The following AHI1 variants were observed in gnomAD, a reference collection of about 807,000 sequenced individuals.
AHI1 encodes the protein Abelson helper integration site 1.
Under a neutral mutation model 149.3 loss-of-function variants are expected in AHI1, and 123 were observed. The observed-to-expected ratio is 0.82, with a 90% confidence interval of 0.71 to 0.96. The LOEUF (loss-of-function observed/expected upper bound fraction) is 0.96. Among genes scored for constraint, AHI1 ranks in the 40% least tolerant of loss-of-function variants. The pLI is 0.00. For missense variants in AHI1, 1,439 were observed against 1,422.7 expected (o/e 1.01, Z -0.18); for synonymous variants, 475 against 459.8 (o/e 1.03, Z -0.42).
chr6:135,342,761 A>G (rs1300275105), intron 24 of AHI1, among the ~76,000 whole-genome samples: 1 of 151,842 alleles, frequency 6.6e-6, no homozygotes, highest in Non-Finnish European at 1.5e-5. Context: ...ATAATATATA[A>G]TAACCTGATA....
At chr6:135,399,495 T>G (rs940907378) in intron 22 of AHI1, among the ~76,000 whole-genome samples, 3 of 152,138 alleles carry the variant, frequency 2.0e-5, no homozygotes, top group African/African-American at 4.8e-5. Context: ...TAGGCCTCTA[T>G]CCTTCTATCT....
chr6:135,390,498 T>C (rs1294725186), intron 23 of AHI1, among the ~76,000 whole-genome samples: 7 of 152,164 alleles, frequency 4.6e-5, no homozygotes. Flanking sequence ...CACTTAGCAA[T>C]GTGGCAGGAC....
intron 23 of AHI1, among the ~76,000 whole-genome samples, chr6:135,373,627 G>A (rs914233864): frequency 5.9e-5 from 9 of 152,104 alleles, no homozygotes; most frequent in African/African-American, 2.2e-4. Flanking sequence ...TACCTAATCT[G>A]AACAGCTGAA....
At chr6:135,372,138 G>C (rs943521699) in intron 23 of AHI1, among the ~76,000 whole-genome samples, 4 of 152,206 alleles carry the variant, frequency 2.6e-5, no homozygotes, top group Admixed American at 6.5e-5. Context: ...CTTGAGAAGA[G>C]AGCCTTACTC....
intron 20 of AHI1, among the ~76,000 whole-genome samples, chr6:135,425,875 T>C (rs1783848043): frequency 2.0e-5 from 3 of 151,862 alleles, no homozygotes; most frequent in Admixed American, 6.6e-5. Context: ...TAAGAAAAGA[T>C]AGAGTGCAAC....
chr6:135,340,370 C>CA (rs1247093376), intron 24 of AHI1, among the ~76,000 whole-genome samples: 1 of 138,724 alleles, frequency 7.2e-6, no homozygotes, highest in Non-Finnish European at 1.6e-5. Context: ...GACTCTGTCT[C>CA]AAAAAACAAA....
At chr6:135,476,383 G>A (rs1792642784) in intron 5 of AHI1, among the ~76,000 whole-genome samples, 1 of 149,748 alleles carries the variant, frequency 6.7e-6, no homozygotes, top group South Asian at 2.1e-4. Flanking sequence ...ATAAAGCTAT[G>A]TAGACTTGTT....
chr6:135,408,508 TC>T (rs1293705200), intron 21 of AHI1, among the ~76,000 whole-genome samples: 1 of 152,108 alleles, frequency 6.6e-6, no homozygotes, highest in East Asian at 1.9e-4. Context: ...TATATACTTT[TC>T]TATATTCCTA....
chr6:135,337,770 GAA>G (rs59397034), intron 24 of AHI1, among the ~76,000 whole-genome samples: 2 of 121,016 alleles, frequency 1.7e-5, no homozygotes, highest in Non-Finnish European at 1.7e-5. Context: ...GTCTCAAAAA[GAA>G]AAAAAAAAAA....
intron 23 of AHI1, among the ~76,000 whole-genome samples, chr6:135,381,769 A>G (rs934889895): frequency 6.6e-6 from 1 of 152,182 alleles, no homozygotes; most frequent in African/African-American, 2.4e-5. Flanking sequence ...TACCACCATC[A>G]TATTATAACT....
chr6:135,294,873 A>T (rs1024225528), intron 27 of AHI1, among the ~76,000 whole-genome samples: 3 of 152,206 alleles, frequency 2.0e-5, no homozygotes, highest in Non-Finnish European at 2.9e-5. Flanking sequence ...GGGTTGGCAG[A>T]GGTTTCTTAG....
intron 20 of AHI1, among the ~76,000 whole-genome samples, chr6:135,422,644 T>C (rs1469440326): frequency 1.3e-5 from 2 of 151,332 alleles, no homozygotes; most frequent in African/African-American, 2.4e-5. Context: ...TGTATGTATG[T>C]ATGTATGTAT....
intron 7 of AHI1, among the ~76,000 whole-genome samples, 175 bp from the exon 8 acceptor site, chr6:135,463,481 G>C (rs918776089): frequency 1.3e-5 from 2 of 151,740 alleles, no homozygotes; most frequent in South Asian, 4.2e-4. Context: ...GTGTCAAATA[G>C]GTATCATAGG....
intron 21 of AHI1, among the ~76,000 whole-genome samples, chr6:135,410,280 G>T (rs1221291873): frequency 6.6e-6 from 1 of 152,170 alleles, no homozygotes; most frequent in Non-Finnish European, 1.5e-5. Flanking sequence ...AGAGGCAGGA[G>T]AATTGCTTGA....
chr6:135,423,213 T>A (rs1783460762), intron 20 of AHI1, among the ~76,000 whole-genome samples: 1 of 152,186 alleles, frequency 6.6e-6, no homozygotes, highest in Non-Finnish European at 1.5e-5. Flanking sequence ...AAATGTTAGC[T>A]ACTACTACCA....
At chr6:135,392,179 C>T (rs777682513) in intron 23 of AHI1, among the ~76,000 whole-genome samples, 1 of 152,124 alleles carries the variant, frequency 6.6e-6, no homozygotes, top group Non-Finnish European at 1.5e-5. Context: ...CTAGAGGTTC[C>T]TGAAGGCAGA....
chr6:135,307,622 C>T (rs1231403072), intron 26 of AHI1, among the ~76,000 whole-genome samples: 2 of 151,790 alleles, frequency 1.3e-5, no homozygotes, highest in Non-Finnish European at 2.9e-5. Flanking sequence ...ATTACAGGAT[C>T]TTAAAATGAA....
At chr6:135,474,793 T>C (rs921767974) in intron 5 of AHI1, among the ~76,000 whole-genome samples, 4 of 152,216 alleles carry the variant, frequency 2.6e-5, no homozygotes, top group African/African-American at 9.6e-5. Context: ...TGGGGTATTA[T>C]CCTTTTCATA....
Position 135,285,465 on chromosome 6 carries a change from T to C in AHI1, c.*180A>G. On this transcript the variant is annotated 3_prime_UTR_variant, in exon 29 of 29. Transcript: ENST00000265602. ...ATAACAACTGAACTCAAAGGCCACG[T>C]TGATTTTTCCACCCACAACTTGATT... 2 of 679,240 alleles carry C rather than the reference T, an allele frequency of 2.9e-6. No individual in the cohort carries two copies. Among genetic ancestry groups the C allele is most frequent in the Non-Finnish European group, 5.1e-6 (2 of 390,162 alleles). 42.1% of individuals were successfully genotyped at this position (679,240 alleles called of 1,614,324 possible).
Sources: gnomAD v4.1 joint callset for allele counts (sites outside exome capture counted in the v4.1 genomes callset) on GRCh38, gnomAD v4.1.1 for gene constraint, MANE v1.5 for transcripts, NCBI Gene and HGNC (gene_info 2026-07-23, HGNC 2026-07-21) for gene names.